The following SORCS1 variants were observed in gnomAD, a reference collection of about 807,000 sequenced individuals.
SORCS1 encodes the protein VPS10 domain-containing receptor SorCS1.
In SORCS1, 60 loss-of-function variants were observed where a neutral mutation model predicts 146.1. That is an observed-to-expected ratio of 0.41 (90% confidence interval 0.33 to 0.51). The LOEUF (loss-of-function observed/expected upper bound fraction) is 0.51, where lower values mean the gene tolerates loss of function less well. Among genes scored for constraint, SORCS1 ranks in the 20% least tolerant of loss-of-function variants. The pLI is 0.21. For missense variants in SORCS1, 1,352 were observed against 1,487.6 expected, an observed-to-expected ratio of 0.91 and a Z score of 1.50; for synonymous variants, 637 against 584.0, an observed-to-expected ratio of 1.09 and a Z score of -1.31.
intron 1 of SORCS1, among the ~76,000 whole-genome samples, chr10:107,024,339 G>C (rs932399525): frequency 1.3e-5 from 2 of 152,106 alleles, no homozygotes; most frequent in African/African-American, 4.8e-5. Flanking sequence ...TGGCAAGAGA[G>C]GGGGTGAGAG....
chr10:106,622,289 G>GA (rs554464573), intron 19 of SORCS1, among the ~76,000 whole-genome samples: 8,292 of 38,788 alleles, frequency 0.21, 1,509 homozygotes, highest in African/African-American at 0.35. Flanking sequence ...ATTCCATCTC[G>GA]AAAAAAAAAA....
chr10:106,606,067 T>G (rs546592578), intron 23 of SORCS1, among the ~76,000 whole-genome samples: 1 of 152,312 alleles, frequency 6.6e-6, no homozygotes, highest in East Asian at 1.9e-4. Flanking sequence ...CTGGAAGAAC[T>G]GATAAATCAA....
chr10:106,725,692 A>G (rs1856102749), intron 6 of SORCS1, among the ~76,000 whole-genome samples: 1 of 152,016 alleles, frequency 6.6e-6, no homozygotes. Flanking sequence ...GTACTTTGAG[A>G]GGCAGAGGCA....
In SORCS1 at chr10:106,724,588, G is replaced by C. The variant is rs185610883; in HGVS notation, c.1024+5462C>G. Among the ~76,000 whole-genome samples the C allele has an allele frequency of 2.4e-3, 367 of 151,988 alleles. 1 individual carries two copies. The highest frequency in any genetic ancestry group is 8.5e-3 in the African/African-American group (354 of 41,474). On this transcript the variant is annotated intron_variant, in intron 6 of 25. Coordinates refer to ENST00000263054, the MANE Select transcript of SORCS1 (RefSeq NM_052918.5). ...CTTTTTTCTCATGTAAAAAACTAAA[G>C]CTTTCCAGAGCTCACCTCCCCTGAA... is the stretch of plus-strand genomic sequence containing the variant.
Position 107,164,637 on chromosome 10 carries a change from T to C in SORCS1, c.-111A>G, listed in dbSNP as rs956240111. On this transcript the variant is annotated 5_prime_UTR_variant, in exon 1 of 26. Coordinates refer to ENST00000263054, the MANE Select transcript of SORCS1 (RefSeq NM_052918.5). This position sits in a 1 kb window ranked among gnomAD's most constrained non-coding sequence, Gnocchi z 6.8. Reference sequence around the variant, plus strand: ...GCTCAGGACCCCAACTCCATCCAAGTTGCGCCGCGGTGGGGGCGGGCGGAG... The same window carrying C: ...GCTCAGGACCCCAACTCCATCCAAGCTGCGCCGCGGTGGGGGCGGGCGGAG... The C allele has an allele frequency of 4.4e-6, 4 of 908,724 alleles. No individual in the cohort carries two copies. Among genetic ancestry groups the C allele is most frequent in the Non-Finnish European group, 5.8e-6 (4 of 690,262 alleles). 56.3% of individuals were successfully genotyped at this position (908,724 alleles called of 1,614,324 possible).
chr10:107,120,892 GA>G (rs939105223), intron 1 of SORCS1, among the ~76,000 whole-genome samples: 2 of 151,544 alleles, frequency 1.3e-5, no homozygotes, highest in African/African-American at 2.4e-5. Flanking sequence ...GGTCTCAAGT[GA>G]AAAAAAAGCA....
At chr10:106,849,680 A>G (rs1949463319) in intron 2 of SORCS1, among the ~76,000 whole-genome samples, 1 of 150,778 alleles carries the variant, frequency 6.6e-6, no homozygotes, top group Non-Finnish European at 1.5e-5. Context: ...TAGAGTTTCC[A>G]GTTTTTCTGT....
rs1415984912 is a variant in SORCS1, at chr10:106,694,194, G to GAGCACTCTCCTCCTCAAAC, written c.1413+5001_1413+5019dup. Reference sequence around the variant, plus strand: ...TTCCTTCTCTGTTGCCTCAACCAAAGAGCACTCTCCTCCTCAAACAGCACT... The same window carrying GAGCACTCTCCTCCTCAAAC: ...TTCCTTCTCTGTTGCCTCAACCAAAGAGCACTCTCCTCCTCAAACAGCACTCTCCTCCTCAAACAGCACT... On this transcript the variant is annotated intron_variant, in intron 9 of 25. Transcript: ENST00000263054. Among the ~76,000 whole-genome samples the GAGCACTCTCCTCCTCAAAC allele has an allele frequency of 1.9e-4, 29 of 152,264 alleles. 1 individual carries two copies. Among genetic ancestry groups the GAGCACTCTCCTCCTCAAAC allele is most frequent in the African/African-American group, 6.7e-4 (28 of 41,554 alleles).
At chr10:106,996,821 T>A (rs918159310) in intron 1 of SORCS1, among the ~76,000 whole-genome samples, 3 of 152,224 alleles carry the variant, frequency 2.0e-5, no homozygotes, top group African/African-American at 7.2e-5. Flanking sequence ...TTAAACTCAA[T>A]GTTTCCAATA....
At chr10:107,034,680 CAA>C (rs553032484) in intron 1 of SORCS1, among the ~76,000 whole-genome samples, 25 of 13,792 alleles carry the variant, frequency 1.8e-3, no homozygotes, top group East Asian at 2.8e-3. Flanking sequence ...AACTCCATCT[CAA>C]AAAAAAAAAA....
Position 106,577,243 on chromosome 10 carries a change from A to T in SORCS1, c.*177T>A. The T allele has an allele frequency of 6.3e-7, 1 of 1,596,504 alleles. No homozygotes were observed. The highest frequency in any genetic ancestry group is 8.6e-7 in the Non-Finnish European group (1 of 1,169,516). Reference sequence around the variant, plus strand: ...CATTCAAACATTTACATAGGTAGGGATTTCTTTTGTGCTTTGATTCTCAGC... The same window carrying T: ...CATTCAAACATTTACATAGGTAGGGTTTTCTTTTGTGCTTTGATTCTCAGC... On this transcript the variant is annotated 3_prime_UTR_variant, in exon 26 of 26. Transcript: ENST00000263054.
chr10:106,600,445 T>G (rs1017650887), intron 23 of SORCS1: 2 of 982,586 alleles, frequency 2.0e-6, no homozygotes, highest in Non-Finnish European at 2.4e-6. Context: ...TTACATTGCA[T>G]ATAAGAATAA....
intron 1 of SORCS1, among the ~76,000 whole-genome samples, chr10:106,971,829 G>C (rs558819098): frequency 2.0e-5 from 3 of 152,120 alleles, no homozygotes; most frequent in Non-Finnish European, 4.4e-5. Context: ...AAATATAACA[G>C]GGTGCAGATT....
rs577866194 is a variant in SORCS1 at position 106,837,090 on chromosome 10, C to T, written c.627-7417G>A. On this transcript the variant is annotated intron_variant, in intron 2 of 25. Transcript: ENST00000263054. ...TTTAACTCTGCTTATTTTTAGCAAA[C>T]AGGATGTCTGTGGTCAGGAGTTCCT... Among the ~76,000 whole-genome samples the T allele has an allele frequency of 9.6e-4, 146 of 152,316 alleles. 2 individuals carry two copies. The highest frequency in any genetic ancestry group is 3.5e-3 in the African/African-American group (144 of 41,560).
At chr10:106,932,290 A>T (rs1953460953) in intron 2 of SORCS1, among the ~76,000 whole-genome samples, 1 of 152,192 alleles carries the variant, frequency 6.6e-6, no homozygotes, top group Admixed American at 6.5e-5. Context: ...ACAAAGTAGA[A>T]AGCATTGTCT....
chr10:106,698,990 C>A (rs1240462878), intron 9 of SORCS1, among the ~76,000 whole-genome samples: 1 of 152,180 alleles, frequency 6.6e-6, no homozygotes, highest in Non-Finnish European at 1.5e-5. Context: ...CCTTCATGTC[C>A]TATGGAGTTT....
intron 2 of SORCS1, among the ~76,000 whole-genome samples, chr10:106,863,192 G>A (rs898064553): frequency 2.0e-5 from 3 of 152,032 alleles, no homozygotes; most frequent in African/African-American, 7.3e-5. Context: ...CAAGAGGCAA[G>A]GTCTAAGAGA....
intron 2 of SORCS1, among the ~76,000 whole-genome samples, chr10:106,876,851 A>G (rs1950605975): frequency 6.6e-6 from 1 of 151,800 alleles, no homozygotes; most frequent in Admixed American, 6.6e-5. Flanking sequence ...TCTCTTGCAA[A>G]TACTACCAAC....
rs1482754269 is a variant in SORCS1, at chr10:107,164,516, A to G, written c.11T>C (p.Val4Ala). ...GGCTTGGGAGCCGCCGCCGGCGCCA[A>G]CTTTTCCCATCGCGGGAGCGAAGAG... MGK[V>A]GAGGGSQARL... The change falls in exon 1 of 26, where the codon GTT becomes GCT. Residue 4 changes from valine (V) to alanine (A), a missense_variant. Around this residue, in one of 3 missense-constraint regions of SORCS1, gnomAD observed 490 missense variants for 489.1 expected, o/e 1.00. Coordinates refer to ENST00000263054, the MANE Select transcript of SORCS1 (RefSeq NM_052918.5). This position sits in a 1 kb window ranked among gnomAD's most constrained non-coding sequence, Gnocchi z 6.8. 2 of 1,344,352 alleles carry G rather than the reference A, an allele frequency of 1.5e-6. No homozygotes were observed. The highest frequency in any genetic ancestry group is 4.0e-5 in the Admixed American group (1 of 25,062). 83.3% of individuals were successfully genotyped at this position (1,344,352 alleles called of 1,614,324 possible). A position where few individuals can be genotyped will look rare whatever the true frequency, so the allele number is the denominator to read the frequency against.
Sources: allele counts gnomAD v4.1 joint callset (sites outside exome capture counted in the v4.1 genomes callset), GRCh38; gene constraint gnomAD v4.1.1; regional missense constraint gnomAD v4.1.1; non-coding constraint Gnocchi (gnomAD v3.1); transcripts MANE v1.5; gene names NCBI Gene and HGNC (gene_info 2026-07-23, HGNC 2026-07-21).